The following LIN9 variants were observed in gnomAD, a reference collection of about 807,000 sequenced individuals.
LIN9 encodes the protein protein lin-9 homolog.
A neutral mutation model predicts 78.0 loss-of-function variants in LIN9; 18 were observed. That is an observed-to-expected ratio of 0.23 (90% CI 0.16 to 0.34). The LOEUF (loss-of-function observed/expected upper bound fraction) is 0.34. Ranked by LOEUF, LIN9 falls within the 10% of genes least tolerant of loss-of-function variation. The pLI, the probability that LIN9 is intolerant of heterozygous loss-of-function variation, is 1.00. For missense variants in LIN9, 451 were observed against 644.1 expected, an observed-to-expected ratio of 0.70 and a Z score of 3.25; for synonymous variants, 192 against 215.2, an observed-to-expected ratio of 0.89 and a Z score of 0.94.
At chr1:226,252,514 G>A (rs1658901620) in intron 10 of LIN9, among the ~76,000 whole-genome samples, 1 of 152,134 alleles carries the variant, frequency 6.6e-6, no homozygotes. Context: ...GACTGTGGGA[G>A]ACTGTATGGA....
At chr1:226,309,272 G>A (rs1157434573), upstream of LIN9, 10 of 1,146,102 alleles carry the variant, frequency 8.7e-6, no homozygotes, top group Admixed American at 9.7e-5. Context: ...TCCCGCCGCG[G>A]CTGGCTGAGG....
intron 3 of LIN9, among the ~76,000 whole-genome samples, chr1:226,296,483 T>C (rs1662154404): frequency 6.6e-6 from 1 of 152,128 alleles, no homozygotes. Flanking sequence ...CCCATAGAAC[T>C]AAAAAAGTTG....
intron 4 of LIN9, among the ~76,000 whole-genome samples, chr1:226,291,305 A>G (rs890544259): frequency 6.6e-6 from 1 of 152,240 alleles, no homozygotes; most frequent in African/African-American, 2.4e-5. Context: ...AATAGTAAAA[A>G]GAAATGAAAC....
At chr1:226,304,205 G>GA (rs1662751499) in intron 1 of LIN9, among the ~76,000 whole-genome samples, 1 of 152,152 alleles carries the variant, frequency 6.6e-6, no homozygotes, top group Non-Finnish European at 1.5e-5. Flanking sequence ...TCAGTCAGGC[G>GA]AATCTGATTA....
At chr1:226,263,625 T>C (rs1659734064) in intron 10 of LIN9, among the ~76,000 whole-genome samples, 1 of 152,196 alleles carries the variant, frequency 6.6e-6, no homozygotes, top group African/African-American at 2.4e-5. Context: ...TGTTTTTACT[T>C]CTACTATTTA....
chr1:226,269,849 A>G (rs543185278), intron 7 of LIN9, among the ~76,000 whole-genome samples: 1 of 152,334 alleles, frequency 6.6e-6, no homozygotes, highest in East Asian at 1.9e-4. Flanking sequence ...CAACTCACAT[A>G]TAAATCAATG....
chr1:226,285,384 G>A (rs1431843990), intron 6 of LIN9, among the ~76,000 whole-genome samples: 1 of 152,060 alleles, frequency 6.6e-6, no homozygotes, highest in Non-Finnish European at 1.5e-5. Flanking sequence ...AGGTCATCTT[G>A]ATGACAGTTT....
At chr1:226,262,857 C>T (rs1193555270) in intron 10 of LIN9, among the ~76,000 whole-genome samples, 5 of 152,220 alleles carry the variant, frequency 3.3e-5, no homozygotes, top group Non-Finnish European at 1.5e-5. Flanking sequence ...CACCTTTATT[C>T]ATAATTGCCA....
At chr1:226,257,169 C>T (rs1006988132) in intron 10 of LIN9, among the ~76,000 whole-genome samples, 21 of 151,150 alleles carry the variant, frequency 1.4e-4, no homozygotes, top group Non-Finnish European at 2.5e-4. Flanking sequence ...AGGCTGGTCT[C>T]GAACTCCTGA....
intron 10 of LIN9, among the ~76,000 whole-genome samples, chr1:226,262,572 T>G (rs1659657951): frequency 1.3e-5 from 2 of 152,096 alleles, no homozygotes; most frequent in Non-Finnish European, 2.9e-5. Context: ...AAATGCAAAT[T>G]TAAATAATAA....
chr1:226,236,928 T>C (rs866041991), intron 12 of LIN9, among the ~76,000 whole-genome samples: 4 of 152,244 alleles, frequency 2.6e-5, no homozygotes, highest in East Asian at 1.9e-4. Flanking sequence ...GATTTCTGGC[T>C]ATAAGGAACA....
intron 11 of LIN9, among the ~76,000 whole-genome samples, chr1:226,244,386 C>A (rs542695214): frequency 6.6e-6 from 1 of 151,992 alleles, no homozygotes; most frequent in African/African-American, 2.4e-5. Context: ...GAGCCGAGAT[C>A]GTGCCTCTCC....
Position 226,309,090 on chromosome 1 carries a change from G to T in LIN9, c.31+19C>A. 1 of 1,312,172 alleles carries T rather than the reference G, an allele frequency of 7.6e-7. No individual in the cohort carries two copies. The highest frequency in any genetic ancestry group is 9.8e-7 in the Non-Finnish European group (1 of 1,021,040). The allele number at this position is 1,312,172 out of a possible 1,614,324, so 81.3% of individuals were successfully genotyped here. On this transcript the variant is annotated intron_variant, in intron 1 of 14. Transcript: ENST00000681046. ...GCAGCAGGCGGGAAAAGGGGGGGGT[G>T]CTTTGAGGTGCTACTCACTCTCGTC...
chr1:226,250,793 TTAAAATTAGA>T, intron 11 of LIN9, 36 bp downstream of exon 11: 1 of 1,000,112 alleles, frequency 1.0e-6, no homozygotes. Flanking sequence ...TCTCACTATT[TTAAAATTAGA>T]CAAGCAAATG....
Position 226,301,208 on chromosome 1 carries a change from G to T in LIN9, c.32-3C>A. ...GACAAGGGCTTTTGCTGAAGAGCCT[G>T]CAATTAAAAATAAAACAAATCAATA... On this transcript the variant is annotated splice_polypyrimidine_tract_variant and splice_region_variant and intron_variant, in intron 1 of 14. Coordinates refer to ENST00000681046, the MANE Select transcript of LIN9 (RefSeq NM_001366245.2). 1 of 1,598,590 alleles carries T rather than the reference G, an allele frequency of 6.3e-7. No individual in the cohort carries two copies. Among genetic ancestry groups the T allele is most frequent in the Non-Finnish European group, 8.5e-7 (1 of 1,175,870 alleles).
chr1:226,248,469 C>T (rs17575721), intron 11 of LIN9, among the ~76,000 whole-genome samples: 6 of 152,136 alleles, frequency 3.9e-5, no homozygotes, highest in African/African-American at 1.4e-4. Flanking sequence ...AAAATTTGTT[C>T]AGCCTACCAT....
At chr1:226,236,898 T>C (rs1250941103) in intron 12 of LIN9, among the ~76,000 whole-genome samples, 1 of 152,236 alleles carries the variant, frequency 6.6e-6, no homozygotes, top group African/African-American at 2.4e-5. Flanking sequence ...GTAGTACTGA[T>C]GGGTATTTGG....
At chr1:226,263,620 T>C (rs1659733742) in intron 10 of LIN9, among the ~76,000 whole-genome samples, 1 of 152,210 alleles carries the variant, frequency 6.6e-6, no homozygotes, top group Admixed American at 6.5e-5. Context: ...AGCTTTGTTT[T>C]TACTTCTACT....
chr1:226,285,239 G>A (rs1661321469), intron 6 of LIN9, among the ~76,000 whole-genome samples: 1 of 151,946 alleles, frequency 6.6e-6, no homozygotes, highest in Admixed American at 6.6e-5. Context: ...GCTCAAACAC[G>A]CAAAATGATA....
Sources: gnomAD v4.1 joint callset for allele counts (sites outside exome capture counted in the v4.1 genomes callset) on GRCh38, gnomAD v4.1.1 for gene constraint, MANE v1.5 for transcripts, NCBI Gene and HGNC (gene_info 2026-07-23, HGNC 2026-07-21) for gene names.